Variants in MYO1E observed in about 807,000 individuals in gnomAD.
MYO1E encodes myosin IE, also known as unconventional myosin-Ie.
Under a neutral mutation model 151.1 loss-of-function variants are expected in MYO1E, and 68 were observed. That is an observed-to-expected ratio of 0.45 (90% CI 0.37 to 0.55). The LOEUF (loss-of-function observed/expected upper bound fraction) is 0.55. Among genes scored for constraint, MYO1E ranks in the 20% least tolerant of loss-of-function variants. MYO1E has a pLI of 0.00. For synonymous variants in MYO1E, 601 were observed against 501.7 expected (o/e 1.20, Z -2.64); for missense variants, 1,363 against 1,389.3 (o/e 0.98, Z 0.30).
chr15:59,187,122 G>A (rs1202102930), intron 18 of MYO1E, among the ~76,000 whole-genome samples: 1 of 152,128 alleles, frequency 6.6e-6, no homozygotes, highest in Non-Finnish European at 1.5e-5. Context: ...TCTTCCTGTG[G>A]CACAATTATC....
At chr15:59,306,680 G>A (rs1325124298) in intron 1 of MYO1E, among the ~76,000 whole-genome samples, 1 of 152,206 alleles carries the variant, frequency 6.6e-6, no homozygotes, top group Non-Finnish European at 1.5e-5. Flanking sequence ...GCTCATTGTT[G>A]ATTCATCATA....
chr15:59,361,920 T>G (rs1313634992), intron 1 of MYO1E, among the ~76,000 whole-genome samples: 2 of 152,102 alleles, frequency 1.3e-5, no homozygotes, highest in Non-Finnish European at 2.9e-5. Flanking sequence ...TACTGCAACC[T>G]CCTCCTCCTG....
At chr15:59,271,361 A>G (rs561070710) in intron 2 of MYO1E, among the ~76,000 whole-genome samples, 1 of 152,344 alleles carries the variant, frequency 6.6e-6, no homozygotes, top group East Asian at 1.9e-4. Flanking sequence ...CCACTTTTTA[A>G]TAAGTCATCC....
intron 12 of MYO1E, among the ~76,000 whole-genome samples, chr15:59,212,441 C>T (rs1245943144): frequency 1.3e-5 from 2 of 152,118 alleles, no homozygotes; most frequent in Non-Finnish European, 2.9e-5. Flanking sequence ...TGACCCCAAA[C>T]AGCCTTTGAT....
intron 1 of MYO1E, among the ~76,000 whole-genome samples, chr15:59,353,333 G>T (rs1363228615): frequency 1.6e-5 from 2 of 128,540 alleles, no homozygotes; most frequent in Admixed American, 8.3e-5. Flanking sequence ...CTCCAGCCTG[G>T]GTGACAGATA....
chr15:59,132,522 A>AAGAT lies in MYO1E; in HGVS notation c.*4854_*4857dup, dbSNP rs1339768243. 6.6e-6 allele frequency: 1 copy of AAGAT among 150,654 alleles called. No individual in the cohort carries two copies. Among genetic ancestry groups the AAGAT allele is most frequent in the Non-Finnish European group, 1.5e-5 (1 of 67,392 alleles). 9.3% of individuals were successfully genotyped at this position (150,654 alleles called of 1,614,324 possible). A position where few individuals can be genotyped will look rare whatever the true frequency, so the allele number is the denominator to read the frequency against. On this transcript the variant is annotated 3_prime_UTR_variant, in exon 28 of 28. Coordinates refer to ENST00000288235, the MANE Select transcript of MYO1E (RefSeq NM_004998.4). ...CAGGATGTCATAAAAAAAGACCTTT[A>AAGAT]AGATACTTTCTTAGATGGCACAGCA...
intron 19 of MYO1E, among the ~76,000 whole-genome samples, chr15:59,174,593 G>T (rs1467188176): frequency 6.6e-6 from 1 of 152,154 alleles, no homozygotes; most frequent in Non-Finnish European, 1.5e-5. Context: ...TTATTAGGAA[G>T]TCAGATCAAG....
At position 59,208,222 on chromosome 15, in the gene MYO1E, G is replaced by C. The variant is rs1185720148; in HGVS notation, c.1530+459C>G. Reference sequence around the variant, plus strand: ...GTAGAGTGATTTTCCTATTTATTTAGTCCTCCAGCTCTTTTATTGAGCATC... The same window carrying C: ...GTAGAGTGATTTTCCTATTTATTTACTCCTCCAGCTCTTTTATTGAGCATC... On this transcript the variant is annotated intron_variant, in intron 14 of 27. Transcript: ENST00000288235. The C allele has an allele frequency of 7.7e-6, 6 of 778,024 alleles. No individual in the cohort carries two copies. The East Asian group carries it at 1.7e-4, about 22-fold the overall frequency. The allele number at this position is 778,024 out of a possible 1,614,324, so 48.2% of individuals were successfully genotyped here. A position where few individuals can be genotyped will look rare whatever the true frequency, so the allele number is the denominator to read the frequency against.
At chr15:59,246,437 T>C (rs1462167034) in intron 4 of MYO1E, among the ~76,000 whole-genome samples, 1 of 152,230 alleles carries the variant, frequency 6.6e-6, no homozygotes, top group Non-Finnish European at 1.5e-5. Context: ...AATGTAGCTA[T>C]TGCTGTTGCA....
intron 25 of MYO1E, among the ~76,000 whole-genome samples, chr15:59,154,525 ACTGACAGAT>A (rs1596344337): frequency 1.3e-5 from 2 of 152,184 alleles, no homozygotes; most frequent in Admixed American, 6.6e-5. Flanking sequence ...TCATTCTCCC[ACTGACAGAT>A]CTGGGCTGAG....
chr15:59,141,797 C>T (rs1230206661), intron 26 of MYO1E, among the ~76,000 whole-genome samples: 2 of 44,936 alleles, frequency 4.5e-5, no homozygotes, highest in East Asian at 1.6e-3. Context: ...GACTTTGTCT[C>T]AAAAAAAAAA....
chr15:59,187,560 G>C (rs1223091971), intron 18 of MYO1E, among the ~76,000 whole-genome samples: 1 of 152,198 alleles, frequency 6.6e-6, no homozygotes, highest in Non-Finnish European at 1.5e-5. Context: ...GTTACCATAT[G>C]ACCAAGCAAT....
chr15:59,155,881 G>C (rs1383329229), intron 25 of MYO1E, among the ~76,000 whole-genome samples: 1 of 152,012 alleles, frequency 6.6e-6, no homozygotes, highest in Admixed American at 6.6e-5. Context: ...GGGGTGGATG[G>C]GGAGGGGAGA....
At chr15:59,217,810 G>C in intron 10 of MYO1E, 81 bp downstream of exon 10, 1 of 1,506,274 alleles carries the variant, frequency 6.6e-7, no homozygotes, top group South Asian at 1.1e-5. Flanking sequence ...TTACAGGTGT[G>C]AGCCACCGCA....
intron 1 of MYO1E, among the ~76,000 whole-genome samples, chr15:59,300,559 T>C (rs1289237486): frequency 6.6e-6 from 1 of 152,162 alleles, no homozygotes; most frequent in Non-Finnish European, 1.5e-5. Context: ...AGTCTACCCA[T>C]GATGCGGTCA....
chr15:59,346,581 T>C (rs1380125988), intron 1 of MYO1E, among the ~76,000 whole-genome samples: 1 of 152,106 alleles, frequency 6.6e-6, no homozygotes, highest in Non-Finnish European at 1.5e-5. Flanking sequence ...TTAGGAAATA[T>C]CCCATTCAAA....
At chr15:59,225,677 C>T (rs1317669569) in intron 7 of MYO1E, among the ~76,000 whole-genome samples, 1 of 141,088 alleles carries the variant, frequency 7.1e-6, no homozygotes, top group Non-Finnish European at 1.5e-5. Context: ...GACGGAGTCT[C>T]ACTCTGTCGC....
intron 18 of MYO1E, among the ~76,000 whole-genome samples, chr15:59,187,326 A>T (rs1596357131): frequency 6.6e-6 from 1 of 152,384 alleles, no homozygotes; most frequent in East Asian, 1.9e-4. Context: ...AATGGCTAAC[A>T]GGCACATGAA....
chr15:59,231,139 G>A (rs576732234), intron 6 of MYO1E, among the ~76,000 whole-genome samples: 1 of 152,200 alleles, frequency 6.6e-6, no homozygotes, highest in Non-Finnish European at 1.5e-5. Flanking sequence ...GCCAGGTCCA[G>A]TCACTTTGGG....
Sources: allele counts gnomAD v4.1 joint callset (sites outside exome capture counted in the v4.1 genomes callset), GRCh38; gene constraint gnomAD v4.1.1; transcripts MANE v1.5; gene names NCBI Gene and HGNC (gene_info 2026-07-23, HGNC 2026-07-21).